The following NDST3 variants were observed in gnomAD, a reference collection of about 807,000 sequenced individuals.
The protein encoded by NDST3 is N-deacetylase and N-sulfotransferase 3, also known as bifunctional heparan sulfate N-deacetylase/N-sulfotransferase 3.
NDST3 carries 58 observed loss-of-function variants against 96.1 expected under a neutral mutation model. The observed-to-expected ratio is 0.60, with a 90% CI of 0.49 to 0.75. The LOEUF (loss-of-function observed/expected upper bound fraction) is 0.75, where lower values mean the gene tolerates loss of function less well. Ranked by LOEUF, NDST3 falls within the 30% of genes least tolerant of loss-of-function variation. NDST3 has a pLI of 0.00. For synonymous variants in NDST3, 333 were observed against 359.7 expected, an observed-to-expected ratio of 0.93 and a Z score of 0.84; for missense variants, 788 against 1,034.2, an observed-to-expected ratio of 0.76 and a Z score of 3.27.
chr4:118,172,105 T>C (rs9996762), intron 6 of NDST3, among the ~76,000 whole-genome samples: 40,389 of 152,118 alleles, frequency 0.27, 6,556 homozygotes, highest in African/African-American at 0.46. Context: ...CATCTCAATG[T>C]TCATTGCAGT....
intron 10 of NDST3, among the ~76,000 whole-genome samples, chr4:118,238,226 A>AG (rs1315987064): frequency 6.7e-4 from 94 of 139,978 alleles, no homozygotes; most frequent in African/African-American, 1.7e-3. Context: ...AAAGAAAGAA[A>AG]AAGAAAGAAG....
intron 3 of NDST3, among the ~76,000 whole-genome samples, chr4:118,107,547 G>A (rs900364078): frequency 6.6e-6 from 1 of 152,016 alleles, no homozygotes; most frequent in Non-Finnish European, 1.5e-5. Context: ...GCTCCCATTT[G>A]TATAAAAATA....
At position 118,054,095 on chromosome 4, in the gene NDST3, T is replaced by G; in HGVS notation, c.185T>G (p.Leu62Arg). Reference sequence around the variant, plus strand: ...GACCTCCAACACCTACCATATCAACTAATGGAAGTGAAAGCAATGAAGCTT... The same window carrying G: ...GACCTCCAACACCTACCATATCAACGAATGGAAGTGAAAGCAATGAAGCTT... Reference protein sequence around the residue: ...CGDLQHLPYQLMEVKAMKLFD... With the variant: ...CGDLQHLPYQRMEVKAMKLFD... The change falls in exon 2 of 14, where the codon CTA becomes CGA. Residue 62 changes from leucine (L) to arginine (R), a missense_variant. Physicochemically the swap from Leu to Arg is moderately radical, Grantham distance 102. Around this residue, in one of 3 missense-constraint regions of NDST3, gnomAD observed 234 missense variants for 256.9 expected, o/e 0.91. Coordinates refer to ENST00000296499, the MANE Select transcript of NDST3 (RefSeq NM_004784.3). The G allele has an allele frequency of 6.2e-7, 1 of 1,612,922 alleles. No individual in the cohort carries two copies. The highest frequency in any genetic ancestry group is 8.5e-7 in the Non-Finnish European group (1 of 1,179,320).
At position 118,202,713 on chromosome 4, in the gene NDST3, TG is replaced by T. The variant is rs559798695; in HGVS notation, c.1540-21776del. Among the ~76,000 whole-genome samples, 9 of 152,354 alleles carry T rather than the reference TG, an allele frequency of 5.9e-5. No homozygotes were observed. The South Asian group carries it at 1.9e-3, about 32-fold the overall frequency. On this transcript the variant is annotated intron_variant, in intron 6 of 13. Coordinates refer to ENST00000296499, the MANE Select transcript of NDST3 (RefSeq NM_004784.3). ...GTGTTTATCTATTCTAGGAGACTAT[TG>T]GCAAAGTCTTTAGGATTTTCTAGGT...
At chr4:118,154,035 A>G (rs971278098) in intron 6 of NDST3, among the ~76,000 whole-genome samples, 2 of 152,164 alleles carry the variant, frequency 1.3e-5, no homozygotes, top group Non-Finnish European at 2.9e-5. Flanking sequence ...GTGAACACCT[A>G]TTAGTGTTAT....
chr4:118,134,610 C>T (rs1732920784), intron 4 of NDST3, among the ~76,000 whole-genome samples: 1 of 152,262 alleles, frequency 6.6e-6, no homozygotes, highest in African/African-American at 2.4e-5. Context: ...GGTGTCAAAA[C>T]TATCTATCTT....
Position 118,054,270 on chromosome 4 carries a change from T to C in NDST3, c.360T>C (p.Leu120=), listed in dbSNP as rs755552204. ...CTGGAAAGGGAGATCTCCCAGTGCT[T>C]ATAGACAAAATGAAAGGCAAATACA... ...IAPGKGDLPV[L]IDKMKGKYIL... is the part of the protein sequence containing the mutation. The change falls in exon 2 of 14, where the codon CTT becomes CTC. Residue 120 remains leucine, a synonymous_variant. Coordinates refer to ENST00000296499, the MANE Select transcript of NDST3 (RefSeq NM_004784.3). 5 of 1,612,282 alleles carry C rather than the reference T, an allele frequency of 3.1e-6. No homozygotes were observed. Among genetic ancestry groups the C allele is most frequent in the Non-Finnish European group, 4.2e-6 (5 of 1,179,208 alleles).
At chr4:118,253,163 C>A (rs1741864773) in intron 12 of NDST3, among the ~76,000 whole-genome samples, 1 of 151,620 alleles carries the variant, frequency 6.6e-6, no homozygotes, top group Admixed American at 6.6e-5. Context: ...GTTTTTAAAC[C>A]CAAAAAAAAA....
chr4:118,153,594 G>A (rs1355379252), intron 6 of NDST3, among the ~76,000 whole-genome samples: 1 of 152,092 alleles, frequency 6.6e-6, no homozygotes, highest in Non-Finnish European at 1.5e-5. Flanking sequence ...ATGCCAAAGC[G>A]GGTGGATCAC....
intron 2 of NDST3, among the ~76,000 whole-genome samples, chr4:118,062,794 G>A (rs2389506): frequency 0.85 from 129,599 of 152,084 alleles, 56,779 homozygotes; most frequent in Non-Finnish European, 0.95. Flanking sequence ...ATGCAATGAC[G>A]TTCTAAAAGA....
intron 3 of NDST3, among the ~76,000 whole-genome samples, chr4:118,110,306 T>G (rs1183906587): frequency 6.6e-6 from 1 of 152,330 alleles, no homozygotes; most frequent in South Asian, 2.1e-4. Flanking sequence ...ACTCAACGTT[T>G]GGCCAGTGAA....
chr4:118,086,833 AC>A (rs1270006946), intron 2 of NDST3, among the ~76,000 whole-genome samples: 3 of 152,168 alleles, frequency 2.0e-5, no homozygotes, highest in Admixed American at 6.6e-5. Flanking sequence ...GAAAGATTAT[AC>A]ATATATTAAG....
chr4:118,169,849 G>A (rs897079360), intron 6 of NDST3, among the ~76,000 whole-genome samples: 1 of 151,762 alleles, frequency 6.6e-6, no homozygotes, highest in African/African-American at 2.4e-5. Context: ...GGTTTCTCAT[G>A]AGGTTGCAGT....
intron 6 of NDST3, among the ~76,000 whole-genome samples, chr4:118,176,937 A>C (rs2125944747): frequency 6.6e-6 from 1 of 152,182 alleles, no homozygotes; most frequent in Non-Finnish European, 1.5e-5. Flanking sequence ...GGTAGATTTA[A>C]GTTGAAACCT....
chr4:118,101,507 T>A (rs1208769963), intron 2 of NDST3, among the ~76,000 whole-genome samples: 1 of 152,156 alleles, frequency 6.6e-6, no homozygotes, highest in African/African-American at 2.4e-5. Flanking sequence ...CTTCTAACAC[T>A]CTGATTAGCA....
chr4:118,106,235 G>A lies in NDST3; in HGVS notation c.1069+1130G>A, dbSNP rs554286711. Among the ~76,000 whole-genome samples, 39 of 152,124 alleles carry A rather than the reference G, an allele frequency of 2.6e-4. 1 individual carries two copies. Among genetic ancestry groups the A allele is most frequent in the Admixed American group, 7.9e-4 (12 of 15,270 alleles). The stretch of plus-strand genomic sequence containing the variant: ...GCTGTCTCTTAATTTTCCTTATGGC[G>A]TTTTTAATGAACAAAAATACTTAAT... On this transcript the variant is annotated intron_variant, in intron 3 of 13. Transcript: ENST00000296499.
chr4:118,191,550 G>GA (rs1737305795), intron 6 of NDST3, among the ~76,000 whole-genome samples: 1 of 152,154 alleles, frequency 6.6e-6, no homozygotes, highest in South Asian at 2.1e-4. Context: ...GGATGGGTCT[G>GA]AAAAAGCAAG....
chr4:118,251,613 A>C (rs1209464518), intron 12 of NDST3, among the ~76,000 whole-genome samples: 1 of 152,152 alleles, frequency 6.6e-6, no homozygotes, highest in Non-Finnish European at 1.5e-5. Context: ...AGATGTGTAG[A>C]TTTATTTCTG....
chr4:118,100,226 A>G lies in NDST3; in HGVS notation c.982-4792A>G, dbSNP rs544001357. Among the ~76,000 whole-genome samples the G allele has an allele frequency of 6.6e-5, 10 of 152,024 alleles. No individual in the cohort carries two copies. In the East Asian group the frequency reaches 1.9e-3, roughly 30 times the overall value. On this transcript the variant is annotated intron_variant, in intron 2 of 13. Transcript: ENST00000296499. Reference sequence around the variant, plus strand: ...GAACTAAGAGGTGGAGGAAGGGCAAATTCACTCTCTCTGCTTGAGCTGAGG... The same window carrying G: ...GAACTAAGAGGTGGAGGAAGGGCAAGTTCACTCTCTCTGCTTGAGCTGAGG...
Sources: allele counts gnomAD v4.1 joint callset (sites outside exome capture counted in the v4.1 genomes callset), GRCh38; gene constraint gnomAD v4.1.1; regional missense constraint gnomAD v4.1.1; transcripts MANE v1.5; gene names NCBI Gene and HGNC (gene_info 2026-07-23, HGNC 2026-07-21).